CADM1: variants seen among roughly 807,000 people sequenced by gnomAD.
The protein encoded by CADM1 is TSLC-1.
In CADM1, 15 loss-of-function variants were observed where a neutral mutation model predicts 53.1. That is an observed-to-expected ratio of 0.28 (90% CI 0.19 to 0.44). CADM1 has a LOEUF of 0.44. Among genes scored for constraint, CADM1 ranks in the 20% least tolerant of loss-of-function variants. The pLI, the probability that CADM1 is intolerant of heterozygous loss-of-function variation, is 1.00. For missense variants in CADM1, 434 were observed against 611.3 expected, an observed-to-expected ratio of 0.71 and a Z score of 3.06; for synonymous variants, 281 against 243.0, an observed-to-expected ratio of 1.16 and a Z score of -1.45.
intron 1 of CADM1, among the ~76,000 whole-genome samples, chr11:115,340,626 TTATATATATATATATA>T (rs869156485): frequency 1.2e-4 from 6 of 48,248 alleles, no homozygotes; most frequent in African/African-American, 4.8e-4. Flanking sequence ...ATAATAAATA[TTATATATATATATATA>T]TATATATATA....
intron 1 of CADM1, among the ~76,000 whole-genome samples, chr11:115,327,881 T>G (rs1945001941): frequency 6.6e-6 from 1 of 152,186 alleles, no homozygotes; most frequent in African/African-American, 2.4e-5. Context: ...GGGTGTCAGA[T>G]TCTATCAAAA....
chr11:115,335,317 A>C (rs911517305), intron 1 of CADM1, among the ~76,000 whole-genome samples: 2 of 152,124 alleles, frequency 1.3e-5, no homozygotes, highest in African/African-American at 2.4e-5. Context: ...TTTCCACAGC[A>C]AAAAAATTAG....
At chr11:115,341,278 A>G (rs1384127614) in intron 1 of CADM1, among the ~76,000 whole-genome samples, 1 of 152,180 alleles carries the variant, frequency 6.6e-6, no homozygotes, top group Non-Finnish European at 1.5e-5. Context: ...AGTGACTAGG[A>G]TAAGCTTATA....
At chr11:115,283,366 A>G (rs181675638) in intron 1 of CADM1, among the ~76,000 whole-genome samples, 13 of 152,324 alleles carry the variant, frequency 8.5e-5, no homozygotes, top group African/African-American at 2.9e-4. Context: ...GACAATGACT[A>G]TAATCAGCTG....
At chr11:115,191,118 C>G (rs924217253) in intron 9 of CADM1, 177 bp from the exon 10 acceptor site, 1 of 601,586 alleles carries the variant, frequency 1.7e-6, no homozygotes, top group Non-Finnish European at 2.9e-6. Context: ...TAATTTTGTT[C>G]TTAATACGCA....
At chr11:115,177,993 A>G (rs1246900844) in intron 11 of CADM1, among the ~76,000 whole-genome samples, 1 of 152,200 alleles carries the variant, frequency 6.6e-6, no homozygotes, top group Non-Finnish European at 1.5e-5. Context: ...CCAAGAGGGA[A>G]GAAGAGGATC....
chr11:115,374,074 T>C (rs1373436580), intron 1 of CADM1, among the ~76,000 whole-genome samples: 2 of 152,156 alleles, frequency 1.3e-5, no homozygotes, highest in East Asian at 3.8e-4. Context: ...CAGAGTATAG[T>C]TTCTAATTTT....
At chr11:115,256,473 G>C (rs1423480399) in intron 1 of CADM1, among the ~76,000 whole-genome samples, 2 of 152,196 alleles carry the variant, frequency 1.3e-5, no homozygotes, top group Admixed American at 6.5e-5. Context: ...TGGAGTCAGC[G>C]TGCCTTGTGC....
chr11:115,428,629 A>G (rs1947958779), intron 1 of CADM1, among the ~76,000 whole-genome samples: 2 of 152,150 alleles, frequency 1.3e-5, no homozygotes, highest in Non-Finnish European at 2.9e-5. Context: ...AAGCCTTGCA[A>G]TTGTCTATAA....
chr11:115,384,700 A>G (rs956377311), intron 1 of CADM1, among the ~76,000 whole-genome samples: 18 of 152,224 alleles, frequency 1.2e-4, no homozygotes, highest in African/African-American at 4.1e-4. Flanking sequence ...TGCAATTCAC[A>G]CTTGTGATAA....
At chr11:115,206,000 C>T (rs1179403612) in intron 8 of CADM1, among the ~76,000 whole-genome samples, 1 of 152,174 alleles carries the variant, frequency 6.6e-6, no homozygotes, top group Non-Finnish European at 1.5e-5. Context: ...CCATCTGAGA[C>T]ACCTAACCTA....
intron 1 of CADM1, among the ~76,000 whole-genome samples, chr11:115,311,094 T>C (rs1393571759): frequency 6.6e-6 from 1 of 152,202 alleles, no homozygotes; most frequent in East Asian, 1.9e-4. Context: ...TATCTCCTGT[T>C]TTCCATGACT....
intron 1 of CADM1, among the ~76,000 whole-genome samples, chr11:115,380,847 A>G (rs535969473): frequency 6.6e-6 from 1 of 152,356 alleles, no homozygotes; most frequent in South Asian, 2.1e-4. Context: ...TAGGCTACAT[A>G]AAATGAAAAA....
intron 1 of CADM1, among the ~76,000 whole-genome samples, chr11:115,320,165 C>T (rs1242899511): frequency 3.3e-5 from 5 of 152,048 alleles, no homozygotes; most frequent in East Asian, 3.9e-4. Context: ...TGGCCTCAGG[C>T]GATCCTCTCA....
At chr11:115,242,589 A>T (rs1436547283) in intron 1 of CADM1, among the ~76,000 whole-genome samples, 1 of 152,176 alleles carries the variant, frequency 6.6e-6, no homozygotes, top group Non-Finnish European at 1.5e-5. Context: ...TTAAGAAAAA[A>T]TTTAATTGTG....
chr11:115,360,534 G>A (rs1010305619), intron 1 of CADM1, among the ~76,000 whole-genome samples: 5 of 152,298 alleles, frequency 3.3e-5, no homozygotes, highest in Admixed American at 1.3e-4. Flanking sequence ...CAGGTTAAGC[G>A]ACTACGGCAG....
intron 1 of CADM1, among the ~76,000 whole-genome samples, chr11:115,474,490 C>CAT (rs1178432885): frequency 4.0e-5 from 6 of 151,528 alleles, no homozygotes; most frequent in African/African-American, 1.2e-4. Flanking sequence ...AAATGTGGCA[C>CAT]ATATACACCA....
chr11:115,324,254 T>C (rs1020515726), intron 1 of CADM1, among the ~76,000 whole-genome samples: 2 of 152,240 alleles, frequency 1.3e-5, no homozygotes, highest in Non-Finnish European at 2.9e-5. Flanking sequence ...TCCTTTAGAC[T>C]TCTCTGAACT....
At chr11:115,364,569 CT>C (rs1229733302) in intron 1 of CADM1, among the ~76,000 whole-genome samples, 96 of 150,918 alleles carry the variant, frequency 6.4e-4, no homozygotes, top group African/African-American at 2.2e-3. Flanking sequence ...AAAAAAAAGC[CT>C]TTTTGTTTAA....
Sources: gnomAD v4.1 joint callset for allele counts (sites outside exome capture counted in the v4.1 genomes callset) on GRCh38, gnomAD v4.1.1 for gene constraint, MANE v1.5 for transcripts, NCBI Gene and HGNC (gene_info 2026-07-23, HGNC 2026-07-21) for gene names.